The following GLRX variants were observed in gnomAD, a reference collection of about 807,000 sequenced individuals.
The protein encoded by GLRX is glutaredoxin-1.
In GLRX, 9 loss-of-function variants were observed where a neutral mutation model predicts 11.1. The ratio of observed to expected loss-of-function variants is 0.81; its 90% CI spans 0.49 to 1.42. The LOEUF (loss-of-function observed/expected upper bound fraction) is 1.42, where lower values mean the gene tolerates loss of function less well. GLRX is among the 40% of genes most tolerant of loss of function. The pLI, the probability that GLRX is intolerant of heterozygous loss-of-function variation, is 0.00. For missense variants in GLRX, 102 were observed against 126.2 expected (o/e 0.81, Z 0.92); for synonymous variants, 49 against 49.5 (o/e 0.99, Z 0.04).
intron 1 of GLRX, among the ~76,000 whole-genome samples, chr5:95,820,816 G>A (rs1747205744): frequency 6.6e-6 from 1 of 151,592 alleles, no homozygotes; most frequent in South Asian, 2.1e-4. Flanking sequence ...ATCCCCAAGG[G>A]ATTTTTCCAA....
chr5:95,822,479 G>A lies in GLRX; in HGVS notation c.184C>T (p.Gln62Ter). The A allele has an allele frequency of 6.2e-7, 1 of 1,613,836 alleles. No individual in the cohort carries two copies. The change falls in exon 1 of 3, where the codon CAA (glutamine) becomes TAA (stop). Residue 62 changes from glutamine (Q) to a stop codon, truncating the protein, a stop_gained. Coordinates refer to ENST00000237858, the MANE Select transcript of GLRX (RefSeq NM_001118890.2). LOFTEE classifies it high-confidence loss of function. ...ACCGTTCTTGCTCCCGTGAGCTGTTGCAAATAATCTTGAATCTCGTTAGTG... is the reference window on the plus strand; with the variant it reads ...ACCGTTCTTGCTCCCGTGAGCTGTTACAAATAATCTTGAATCTCGTTAGTG... ...NHTNEIQDYL[Q>*]QLTGARTVPR...
At chr5:95,822,423 A>G (rs1197731437) in intron 1 of GLRX, 33 bp downstream of exon 1, 2 of 1,527,464 alleles carry the variant, frequency 1.3e-6, no homozygotes, top group East Asian at 2.3e-5. Context: ...GCAATCCGGG[A>G]GCCTTTCCCT....
intron 2 of GLRX, chr5:95,814,916 G>A (rs1429444369): frequency 1.2e-5 from 2 of 169,784 alleles, no homozygotes; most frequent in East Asian, 1.7e-4. Flanking sequence ...CATTTGCAAT[G>A]CCATCCAGCT....
intron 1 of GLRX, among the ~76,000 whole-genome samples, chr5:95,821,999 A>G (rs1747255217): frequency 6.6e-6 from 1 of 152,206 alleles, no homozygotes; most frequent in South Asian, 2.1e-4. Context: ...TTAGATAAGG[A>G]AGAATGAGCA....
At chr5:95,816,115 C>T (rs1746984739) in intron 2 of GLRX, among the ~76,000 whole-genome samples, 1 of 152,160 alleles carries the variant, frequency 6.6e-6, no homozygotes, top group South Asian at 2.1e-4. Context: ...GAGAAAGGCC[C>T]TCCCTTACCA....
chr5:95,816,250 G>A (rs1746989240), intron 2 of GLRX, among the ~76,000 whole-genome samples: 2 of 152,108 alleles, frequency 1.3e-5, no homozygotes, highest in South Asian at 4.1e-4. Flanking sequence ...ATCATTTTAT[G>A]CATCATTATA....
intron 1 of GLRX, chr5:95,816,843 C>T: frequency 2.3e-6 from 1 of 427,032 alleles, no homozygotes; most frequent in Non-Finnish European, 4.3e-6. Context: ...AAGTTGTGTG[C>T]TATGCATGAG....
chr5:95,820,390 T>C (rs1208119215), intron 1 of GLRX, among the ~76,000 whole-genome samples: 1 of 140,604 alleles, frequency 7.1e-6, no homozygotes, highest in Non-Finnish European at 1.5e-5. Context: ...AAAAGATTAC[T>C]ACAAGAAATA....
intron 1 of GLRX, among the ~76,000 whole-genome samples, chr5:95,820,914 G>C (rs960445978): frequency 1.3e-5 from 2 of 152,002 alleles, no homozygotes; most frequent in Admixed American, 1.3e-4. Flanking sequence ...TCAGGAGTTC[G>C]ACACCAGCCT....
At position 95,817,856 on chromosome 5, in the gene GLRX, T is replaced by C. The variant is rs28926208; in HGVS notation, c.208-1230A>G. ...GAGACTATTTTTCAAAGCTTTGGGC[T>C]TTCCTCAGAAAGCATAATAATTGGA... On this transcript the variant is annotated intron_variant, in intron 1 of 2. Transcript: ENST00000237858. 7.7e-3 allele frequency: 1,178 copies of C among 152,292 alleles called. 11 individuals are homozygous for C. Among genetic ancestry groups the C allele is most frequent in the African/African-American group, 0.027 (1,141 of 41,546 alleles). The allele number at this position is 152,292 out of a possible 1,614,324, so 9.4% of individuals were successfully genotyped here.
At chr5:95,814,569 G>A (rs1746912619) in intron 2 of GLRX, 180 bp from the exon 3 acceptor site, 1 of 152,616 alleles carries the variant, frequency 6.6e-6, no homozygotes, top group South Asian at 2.1e-4. Context: ...CTAATGGGCA[G>A]TAGCAGATAA....
intron 1 of GLRX, 111 bp from the exon 2 acceptor site, chr5:95,816,737 A>G (rs1425203674): frequency 1.8e-5 from 12 of 676,460 alleles, no homozygotes; most frequent in Non-Finnish European, 3.3e-5. Flanking sequence ...TCACTTTAAA[A>G]CCTCCTTATG....
intron 1 of GLRX, 31 bp downstream of exon 1, chr5:95,822,425 C>A (rs748473472): frequency 1.0e-5 from 16 of 1,553,630 alleles, no homozygotes; most frequent in African/African-American, 4.1e-5. Context: ...AATCCGGGAG[C>A]CTTTCCCTAG....
At chr5:95,814,636 A>T (rs1300696393) in intron 2 of GLRX, 1 of 152,480 alleles carries the variant, frequency 6.6e-6, no homozygotes, top group East Asian at 1.9e-4. Context: ...GTTGAAAAAC[A>T]CTGGCTTAGA....
intron 1 of GLRX, chr5:95,819,572 C>T (rs1428487933): frequency 6.6e-6 from 1 of 152,128 alleles, no homozygotes; most frequent in Non-Finnish European, 1.5e-5. Flanking sequence ...TGCTGATTAC[C>T]TACTAGATAC....
rs747466100 is a variant in GLRX at position 95,822,452 on chromosome 5, T to G, written c.207+4A>C. 1 of 1,609,284 alleles carries G rather than the reference T, an allele frequency of 6.2e-7. No homozygotes were observed. The highest frequency in any genetic ancestry group is 1.1e-5 in the South Asian group (1 of 90,996). On this transcript the variant is annotated splice_donor_region_variant and intron_variant, in intron 1 of 2. Coordinates refer to ENST00000237858, the MANE Select transcript of GLRX (RefSeq NM_001118890.2). ...TTTCCCTAGCCGTTTAAAATGAAACTCACCGTTCTTGCTCCCGTGAGCTGT... is the reference window on the plus strand; with the variant it reads ...TTTCCCTAGCCGTTTAAAATGAAACGCACCGTTCTTGCTCCCGTGAGCTGT...
At chr5:95,821,123 C>T (rs1327217795) in intron 1 of GLRX, among the ~76,000 whole-genome samples, 2 of 152,280 alleles carry the variant, frequency 1.3e-5, no homozygotes, top group East Asian at 3.9e-4. Flanking sequence ...ACAAACAAAA[C>T]TAATGCTTGG....
intron 1 of GLRX, among the ~76,000 whole-genome samples, chr5:95,820,988 C>T (rs184510237): frequency 4.1e-4 from 63 of 151,986 alleles, no homozygotes; most frequent in South Asian, 1.7e-3. Context: ...TGGTGGTGGG[C>T]GCCTGTAATC....
intron 1 of GLRX, 43 bp from the exon 2 acceptor site, chr5:95,816,669 T>G (rs751461108): frequency 1.1e-6 from 1 of 943,878 alleles, no homozygotes; most frequent in Non-Finnish European, 1.8e-6. Context: ...ATTACTAGAT[T>G]AGACAGAACA....
Sources: allele counts gnomAD v4.1 joint callset (sites outside exome capture counted in the v4.1 genomes callset), GRCh38; gene constraint gnomAD v4.1.1; transcripts MANE v1.5; gene names NCBI Gene and HGNC (gene_info 2026-07-23, HGNC 2026-07-21).